The following DSC1 variants were observed in gnomAD, a reference collection of about 807,000 sequenced individuals.
DSC1 encodes desmocollin-1.
Under a neutral mutation model 98.8 loss-of-function variants are expected in DSC1, and 79 were observed. The ratio of observed to expected loss-of-function variants is 0.80; its 90% confidence interval spans 0.67 to 0.96. The LOEUF is 0.96. Among genes scored for constraint, DSC1 ranks in the 50% least tolerant of loss-of-function variants. DSC1 has a pLI of 0.00. For synonymous variants in DSC1, 405 were observed against 372.1 expected (o/e 1.09, Z -1.02); for missense variants, 1,115 against 1,075.9 (o/e 1.04, Z -0.51).
At chr18:31,131,228 C>A (rs554414999) in intron 15 of DSC1, among the ~76,000 whole-genome samples, 1 of 152,248 alleles carries the variant, frequency 6.6e-6, no homozygotes, top group East Asian at 1.9e-4. Flanking sequence ...CATAACCACA[C>A]AAAGAACTCA....
chr18:31,130,665 T>A lies in DSC1; in HGVS notation c.2534A>T (p.Asp845Val). The change falls in exon 16 of 16, where the codon GAC (aspartate) becomes GTC (valine). Residue 845 changes from aspartate (D) to valine (V), a missense_variant. Physicochemically the swap from Asp to Val is radical, Grantham distance 152. Transcript: ENST00000257198. ...TTCATAGTTATACGAACAAACGTAG[T>A]CTTCACAATGTTTATGCTCCTCATC... ...GQDEEHKHCE[D>V]YVCSYNYEGK... 1 of 1,614,164 alleles carries A rather than the reference T, an allele frequency of 6.2e-7. No homozygotes were observed. Among genetic ancestry groups the A allele is most frequent in the Non-Finnish European group, 8.5e-7 (1 of 1,180,030 alleles).
At chr18:31,150,294 C>T (rs1348367476) in intron 5 of DSC1, among the ~76,000 whole-genome samples, 6 of 87,538 alleles carry the variant, frequency 6.9e-5, no homozygotes, top group African/African-American at 1.2e-4. Flanking sequence ...ACCACCACCA[C>T]TACCATCATC....
chr18:31,159,440 C>T lies in DSC1; in HGVS notation c.148+5G>A. 6.2e-7 allele frequency: 1 copy of T among 1,612,088 alleles called. No homozygotes were observed. The highest frequency in any genetic ancestry group is 1.1e-5 in the South Asian group (1 of 90,836). On this transcript the variant is annotated splice_donor_5th_base_variant and intron_variant, in intron 2 of 15. Coordinates refer to ENST00000257198, the MANE Select transcript of DSC1 (RefSeq NM_024421.2). The stretch of plus-strand genomic sequence containing the variant: ...AGCTATGAAACTGTTAATAGTGTTT[C>T]TCACCTTTGCCTACAAGTGTTTCAG...
At chr18:31,141,706 C>T (rs1029671634) in intron 9 of DSC1, among the ~76,000 whole-genome samples, 3 of 152,068 alleles carry the variant, frequency 2.0e-5, no homozygotes, top group Non-Finnish European at 4.4e-5. Context: ...GAAATGTGGA[C>T]AAGTAAGTGT....
Position 31,162,517 on chromosome 18 carries a change from T to C in DSC1, c.63+15A>G, listed in dbSNP as rs371421846. ...TAACATGCTTGAATTCCCTAATCCT[T>C]TGGTTGTTACTCACCAGGAGAGAGA... On this transcript the variant is annotated intron_variant, in intron 1 of 15. Transcript: ENST00000257198. 2 of 1,613,462 alleles carry C rather than the reference T, an allele frequency of 1.2e-6. No homozygotes were observed. Among genetic ancestry groups the C allele is most frequent in the African/African-American group, 2.7e-5 (2 of 74,868 alleles).
intron 5 of DSC1, among the ~76,000 whole-genome samples, chr18:31,149,189 G>A (rs928879262): frequency 1.3e-5 from 2 of 152,174 alleles, no homozygotes; most frequent in African/African-American, 4.8e-5. Flanking sequence ...CAGCCAGTAT[G>A]TATTTAATGT....
intron 7 of DSC1, among the ~76,000 whole-genome samples, chr18:31,144,930 C>CTTT (rs1170980389): frequency 2.4e-5 from 3 of 124,740 alleles, no homozygotes; most frequent in Non-Finnish European, 3.3e-5. Context: ...TCTGTATTTT[C>CTTT]TTTTTCTTTC....
chr18:31,130,825 C>A (rs1988472149), intron 15 of DSC1, 114 bp from the exon 16 acceptor site: 1 of 1,611,670 alleles, frequency 6.2e-7, no homozygotes, highest in African/African-American at 1.3e-5. Context: ...CAGAGTGTGT[C>A]CTCTAATGGA....
intron 8 of DSC1, among the ~76,000 whole-genome samples, chr18:31,142,736 T>C (rs1274132827): frequency 6.6e-6 from 1 of 152,106 alleles, no homozygotes; most frequent in Non-Finnish European, 1.5e-5. Context: ...GCATAAGATA[T>C]TAAAGACTAA....
At chr18:31,150,273 CTA>C (rs1988949233) in intron 5 of DSC1, among the ~76,000 whole-genome samples, 1 of 125,058 alleles carries the variant, frequency 8.0e-6, no homozygotes. Flanking sequence ...ATCATCACCA[CTA>C]CCATCACCAC....
Position 31,142,266 on chromosome 18 carries a change from A to T in DSC1, c.1075-82T>A, listed in dbSNP as rs185510482. The T allele has an allele frequency of 6.9e-5, 99 of 1,439,458 alleles. No homozygotes were observed. The East Asian group carries it at 9.2e-4, about 13-fold the overall frequency. The allele number at this position is 1,439,458 out of a possible 1,614,324, so 89.2% of individuals were successfully genotyped here. ...ATTCTAAAACACGTATTTAAAGAAA[A>T]AAATAAATAAAGTGATGTGAAAAGC... On this transcript the variant is annotated intron_variant, in intron 8 of 15. Coordinates refer to ENST00000257198, the MANE Select transcript of DSC1 (RefSeq NM_024421.2).
chr18:31,140,845 A>C (rs956869906), intron 9 of DSC1, among the ~76,000 whole-genome samples: 12 of 152,132 alleles, frequency 7.9e-5, no homozygotes, highest in Non-Finnish European at 1.5e-4. Context: ...CCACATCTCA[A>C]CTTGATTTGT....
intron 13 of DSC1, 112 bp from the exon 14 acceptor site, chr18:31,132,801 C>T (rs1988525405): frequency 1.0e-6 from 1 of 952,888 alleles, no homozygotes; most frequent in Non-Finnish European, 1.5e-6. Flanking sequence ...AAATTGAGCT[C>T]TTCAGGTCAC....
In DSC1 at chr18:31,130,431, A is replaced by G. The variant is rs1474408947; in HGVS notation, c.*83T>C. On this transcript the variant is annotated 3_prime_UTR_variant, in exon 16 of 16. Coordinates refer to ENST00000257198, the MANE Select transcript of DSC1 (RefSeq NM_024421.2). ...ACAAAGTTTACCTCCATAAACAAAA[A>G]CATTAGCAGATGCTGCTAACATTCT... 4 of 1,498,074 alleles carry G rather than the reference A, an allele frequency of 2.7e-6. No individual in the cohort carries two copies. The African/African-American group carries it at 4.2e-5, about 16-fold the overall frequency. 92.8% of individuals were successfully genotyped at this position (1,498,074 alleles called of 1,614,324 possible).
chr18:31,146,416 T>C (rs1988847433), intron 6 of DSC1, among the ~76,000 whole-genome samples: 1 of 152,180 alleles, frequency 6.6e-6, no homozygotes. Context: ...AAAGACATGA[T>C]TTTATTCTTT....
At chr18:31,159,883 T>TA (rs1305360366) in intron 1 of DSC1, among the ~76,000 whole-genome samples, 5 of 152,212 alleles carry the variant, frequency 3.3e-5, no homozygotes, top group African/African-American at 1.2e-4. Flanking sequence ...AGAAAATACT[T>TA]ACCTTTGAAA....
chr18:31,144,618 T>C (rs932831667), intron 7 of DSC1, among the ~76,000 whole-genome samples: 3 of 152,056 alleles, frequency 2.0e-5, no homozygotes, highest in South Asian at 4.1e-4. Flanking sequence ...AAGGCATCAA[T>C]AGGAGAAGCA....
Position 31,141,386 on chromosome 18 carries a change from T to A in DSC1, c.1260+613A>T, listed in dbSNP as rs1444926167. ...AAACTGTCTCTAAGAAATTAATGAA[T>A]GAAGCTATGCAAGAAGTCAATGAGA... On this transcript the variant is annotated intron_variant, in intron 9 of 15. Coordinates refer to ENST00000257198, the MANE Select transcript of DSC1 (RefSeq NM_024421.2). Among the ~76,000 whole-genome samples the A allele has an allele frequency of 1.3e-5, 2 of 152,136 alleles. 1 individual carries two copies. Among genetic ancestry groups the A allele is most frequent in the Non-Finnish European group, 2.9e-5 (2 of 68,020 alleles).
At chr18:31,138,772 A>G (rs1290758531) in intron 11 of DSC1, among the ~76,000 whole-genome samples, 1 of 151,718 alleles carries the variant, frequency 6.6e-6, no homozygotes, top group Non-Finnish European at 1.5e-5. Context: ...AACCCATAGC[A>G]TTGTATCAGC....
Sources: gnomAD v4.1 joint callset for allele counts (sites outside exome capture counted in the v4.1 genomes callset) on GRCh38, gnomAD v4.1.1 for gene constraint, MANE v1.5 for transcripts, NCBI Gene and HGNC (gene_info 2026-07-23, HGNC 2026-07-21) for gene names.